FAM76A: variants seen among roughly 807,000 people sequenced by gnomAD.
FAM76A encodes the protein family with sequence similarity 76 member A, also known as protein FAM76A.
A neutral mutation model predicts 46.2 loss-of-function variants in FAM76A; 32 were observed. The observed-to-expected ratio is 0.69, with a 90% CI of 0.52 to 0.93. The LOEUF (loss-of-function observed/expected upper bound fraction) is 0.93, where lower values mean the gene tolerates loss of function less well. Ranked by LOEUF, FAM76A falls within the 40% of genes least tolerant of loss-of-function variation. The pLI is 0.00. For missense variants in FAM76A, 274 were observed against 361.5 expected (o/e 0.76, Z 1.96); for synonymous variants, 137 against 127.0 (o/e 1.08, Z -0.53).
rs111588196 is a variant in FAM76A at position 27,760,478 on chromosome 1, A to AT, written c.838-7dup. ...TGTTTGAAACATCCTTCTTGCACTG[A>AT]TTTTTTTTTTCTTTAGGCCAAAAAC... On this transcript the variant is annotated splice_polypyrimidine_tract_variant and intron_variant, in intron 8 of 8. Coordinates refer to ENST00000373954, the MANE Select transcript of FAM76A (RefSeq NM_152660.3). 8,482 of 1,262,192 alleles carry AT rather than the reference A, an allele frequency of 6.7e-3. No homozygotes were observed. The highest frequency in any genetic ancestry group is 8.3e-3 in the East Asian group (289 of 34,880). 78.2% of individuals were successfully genotyped at this position (1,262,192 alleles called of 1,614,324 possible). A position where few individuals can be genotyped will look rare whatever the true frequency, so the allele number is the denominator to read the frequency against.
chr1:27,737,548 CTA>C (rs991154582), intron 4 of FAM76A, among the ~76,000 whole-genome samples: 9 of 151,604 alleles, frequency 5.9e-5, no homozygotes, highest in African/African-American at 2.2e-4. Context: ...AACCCTGTCA[CTA>C]TTAAAAATAC....
chr1:27,748,325 A>G (rs2088275674), intron 5 of FAM76A, among the ~76,000 whole-genome samples: 1 of 151,378 alleles, frequency 6.6e-6, no homozygotes, highest in Admixed American at 6.6e-5. Context: ...GGGGTTTTAC[A>G]GTGTTAGCCA....
rs117785444 is a variant in FAM76A at position 27,759,938 on chromosome 1, A to C, written c.837+311A>C. 458 of 470,570 alleles carry C rather than the reference A, an allele frequency of 9.7e-4. 7 individuals carry two copies. In the East Asian group the frequency reaches 0.026, roughly 27 times the overall value. 29.1% of individuals were successfully genotyped at this position (470,570 alleles called of 1,614,324 possible). A position where few individuals can be genotyped will look rare whatever the true frequency, so the allele number is the denominator to read the frequency against. The stretch of plus-strand genomic sequence containing the variant: ...ATATACCACCATACCCCACTAATTT[A>C]TTTTTTAATTTTTTTGTAGAGATGG... On this transcript the variant is annotated intron_variant, in intron 8 of 8. Transcript: ENST00000373954.
At chr1:27,755,867 C>G (rs945182225) in intron 7 of FAM76A, among the ~76,000 whole-genome samples, 29 of 152,076 alleles carry the variant, frequency 1.9e-4, no homozygotes, top group Non-Finnish European at 4.0e-4. Context: ...GAGCCATTGC[C>G]CCTGGCCTCA....
At chr1:27,744,867 C>T in intron 5 of FAM76A, 56 bp downstream of exon 5, 1 of 1,529,534 alleles carries the variant, frequency 6.5e-7, no homozygotes, top group South Asian at 1.2e-5. Context: ...AGATGTAATG[C>T]TCACATAACC....
chr1:27,728,647 C>T (rs369088244), intron 2 of FAM76A, among the ~76,000 whole-genome samples: 2 of 152,142 alleles, frequency 1.3e-5, no homozygotes, highest in African/African-American at 4.8e-5. Flanking sequence ...GCCACCACGC[C>T]TGGGCAAATC....
chr1:27,760,568 TA>T lies in FAM76A; in HGVS notation c.913del (p.Thr305ProfsTer21). The part of the protein sequence containing the change: ...KSKKSEKSGA[I>X]TSP ...AAGAAGTCAGAGAAGTCAGGAGCTA[TA>T]ACCTCTCCATGACAGACCTCAAGGA... On this transcript the variant is annotated frameshift_variant, in exon 9 of 9. Transcript: ENST00000373954. LOFTEE classifies it high-confidence loss of function. 1 of 1,611,692 alleles carries T rather than the reference TA, an allele frequency of 6.2e-7. No homozygotes were observed. The highest frequency in any genetic ancestry group is 8.5e-7 in the Non-Finnish European group (1 of 1,178,616).
chr1:27,726,221 C>T, intron 1 of FAM76A, 60 bp downstream of exon 1: 1 of 1,230,618 alleles, frequency 8.1e-7, no homozygotes, highest in Non-Finnish European at 1.0e-6. Flanking sequence ...CCCGGAGCTC[C>T]AGATTCTGTG....
At position 27,732,669 on chromosome 1, in the gene FAM76A, A is replaced by G. The variant is rs752528570; in HGVS notation, c.201+12A>G. On this transcript the variant is annotated intron_variant, in intron 3 of 8. Coordinates refer to ENST00000373954, the MANE Select transcript of FAM76A (RefSeq NM_152660.3). ...AGTTGTATGGAACGGTAAGTAGGAT[A>G]TTTTCAAACCTAACAGTGAGTACTA... 2.9e-5 allele frequency: 47 copies of G among 1,603,772 alleles called. No individual in the cohort carries two copies. The highest frequency in any genetic ancestry group is 3.8e-5 in the Non-Finnish European group (44 of 1,172,154).
chr1:27,727,652 G>C, intron 2 of FAM76A, 116 bp downstream of exon 2: 1 of 758,276 alleles, frequency 1.3e-6, no homozygotes. Context: ...ATACAGATCT[G>C]TAATCAATCA....
At chr1:27,750,955 G>A (rs970102371) in intron 6 of FAM76A, among the ~76,000 whole-genome samples, 7 of 152,312 alleles carry the variant, frequency 4.6e-5, no homozygotes, top group African/African-American at 1.7e-4. Flanking sequence ...AATCACCCAG[G>A]AGTTTGAGAC....
chr1:27,729,412 G>C (rs989995099), intron 2 of FAM76A, among the ~76,000 whole-genome samples: 2 of 151,420 alleles, frequency 1.3e-5, no homozygotes, highest in African/African-American at 4.9e-5. Flanking sequence ...GTCTTGCCAT[G>C]TTGCCCAGGC....
chr1:27,741,360 A>C (rs909911262), intron 4 of FAM76A, among the ~76,000 whole-genome samples: 5 of 151,874 alleles, frequency 3.3e-5, no homozygotes, highest in African/African-American at 1.2e-4. Flanking sequence ...TAATCTTTGT[A>C]CTTTTTGTCG....
chr1:27,739,270 A>T (rs1184066934), intron 4 of FAM76A: 1 of 518,100 alleles, frequency 1.9e-6, no homozygotes. Context: ...GTGTTCGCCT[A>T]CTGCCAAGTA....
At chr1:27,760,005 T>G in intron 8 of FAM76A, 1 of 458,274 alleles carries the variant, frequency 2.2e-6, no homozygotes, top group South Asian at 1.5e-5. Context: ...ACTCCTGGCT[T>G]CAAGCAATCC....
At chr1:27,758,628 A>C (rs2088454664) in intron 7 of FAM76A, among the ~76,000 whole-genome samples, 1 of 151,630 alleles carries the variant, frequency 6.6e-6, no homozygotes, top group Non-Finnish European at 1.5e-5. Context: ...CCGTCCTCTA[A>C]ATAGCTGGGA....
chr1:27,726,048 C>T lies in FAM76A; in HGVS notation c.-33C>T, dbSNP rs1305955804. 8.9e-6 allele frequency: 11 copies of T among 1,231,808 alleles called. No homozygotes were observed. Among genetic ancestry groups the T allele is most frequent in the Admixed American group, 8.7e-5 (2 of 23,048 alleles). The allele number at this position is 1,231,808 out of a possible 1,614,324, so 76.3% of individuals were successfully genotyped here. A position where few individuals can be genotyped will look rare whatever the true frequency, so the allele number is the denominator to read the frequency against. On this transcript the variant is annotated 5_prime_UTR_variant, in exon 1 of 9. Transcript: ENST00000373954. ...CTGTCAGATAAATCGGCGGGCCGGG[C>T]CGGCGGGTCGGTGAGCGCGGCCCGG...
chr1:27,748,865 T>G (rs1381172237), intron 5 of FAM76A, among the ~76,000 whole-genome samples: 1 of 152,214 alleles, frequency 6.6e-6, no homozygotes, highest in Non-Finnish European at 1.5e-5. Context: ...AGAATTTTTT[T>G]TTTTGATCCT....
At chr1:27,726,259 G>A in intron 1 of FAM76A, 98 bp downstream of exon 1, 1 of 1,083,426 alleles carries the variant, frequency 9.2e-7, no homozygotes, top group Non-Finnish European at 1.2e-6. Flanking sequence ...CCCCGGAGCA[G>A]GGTGTGGCAG....
Sources: allele counts gnomAD v4.1 joint callset (sites outside exome capture counted in the v4.1 genomes callset), GRCh38; gene constraint gnomAD v4.1.1; transcripts MANE v1.5; gene names NCBI Gene and HGNC (gene_info 2026-07-23, HGNC 2026-07-21).